LEF1: variants seen among roughly 807,000 people sequenced by gnomAD.
The protein encoded by LEF1 is lymphoid enhancer-binding factor 1.
A neutral mutation model predicts 51.2 loss-of-function variants in LEF1; 14 were observed. The ratio of observed to expected loss-of-function variants is 0.27; its 90% CI spans 0.18 to 0.43. The LOEUF is 0.43. Ranked by LOEUF, LEF1 falls within the 20% of genes least tolerant of loss-of-function variation. LEF1 has a pLI of 1.00. For missense variants in LEF1, 386 were observed against 512.0 expected (o/e 0.75, Z 2.37); for synonymous variants, 185 against 183.2 (o/e 1.01, Z -0.08).
chr4:108,165,286 T>C (rs1745316063), intron 1 of LEF1, 123 bp from the exon 2 acceptor site: 3 of 837,782 alleles, frequency 3.6e-6, no homozygotes, highest in East Asian at 2.5e-5. Flanking sequence ...CTCTGTTTTA[T>C]ACTCTGAGAG....
chr4:108,051,262 A>T (rs1363661235), intron 11 of LEF1, among the ~76,000 whole-genome samples: 2 of 148,848 alleles, frequency 1.3e-5, no homozygotes, highest in Non-Finnish European at 3.0e-5. Context: ...CTAGTGCTTA[A>T]AAAAAAAAAA....
At chr4:108,136,814 G>A (rs1289909471) in intron 3 of LEF1, among the ~76,000 whole-genome samples, 1 of 152,038 alleles carries the variant, frequency 6.6e-6, no homozygotes, top group African/African-American at 2.4e-5. Context: ...AAATATCCAA[G>A]GGTAAAAAGG....
chr4:108,137,133 G>GT (rs1743314344), intron 3 of LEF1, among the ~76,000 whole-genome samples: 1 of 152,170 alleles, frequency 6.6e-6, no homozygotes, highest in African/African-American at 2.4e-5. Flanking sequence ...ACGAAGAATA[G>GT]TTTTTTAAAT....
chr4:108,051,971 T>G (rs1463874986), intron 11 of LEF1, among the ~76,000 whole-genome samples: 1 of 152,162 alleles, frequency 6.6e-6, no homozygotes, highest in Non-Finnish European at 1.5e-5. Context: ...AGGGGGAAAC[T>G]CCTTCTCTCT....
At chr4:108,077,443 C>T (rs1455750544) in intron 8 of LEF1, among the ~76,000 whole-genome samples, 2 of 139,740 alleles carry the variant, frequency 1.4e-5, no homozygotes, top group Non-Finnish European at 3.2e-5. Context: ...CACCTCTGCC[C>T]GGCTGCCGCC....
intron 3 of LEF1, among the ~76,000 whole-genome samples, chr4:108,127,234 T>A (rs969830220): frequency 1.3e-5 from 2 of 152,214 alleles, no homozygotes; most frequent in African/African-American, 4.8e-5. Flanking sequence ...ACTTCTCATT[T>A]GACAAGTTAA....
At chr4:108,126,736 C>CGG (rs1402113798) in intron 3 of LEF1, among the ~76,000 whole-genome samples, 1 of 141,000 alleles carries the variant, frequency 7.1e-6, no homozygotes, top group Non-Finnish European at 1.5e-5. Flanking sequence ...ACCCGGGAAG[C>CGG]AGAGTTTGCA....
rs1052866022 is a variant in LEF1 at position 108,166,165 on chromosome 4, G to A, written c.214-1002C>T. The A allele has an allele frequency of 1.6e-5, 19 of 1,158,514 alleles. No individual in the cohort carries two copies. The African/African-American group carries it at 2.0e-4, about 12-fold the overall frequency. 71.8% of individuals were successfully genotyped at this position (1,158,514 alleles called of 1,614,324 possible). On this transcript the variant is annotated intron_variant, in intron 1 of 11. Transcript: ENST00000265165. Reference sequence around the variant, plus strand: ...TCACAAATCTTTTACGCGGGGTTAGGTGCACCCTACCCCCGCCCCCAGCCC... The same window carrying A: ...TCACAAATCTTTTACGCGGGGTTAGATGCACCCTACCCCCGCCCCCAGCCC...
intron 3 of LEF1, among the ~76,000 whole-genome samples, chr4:108,154,455 A>AAG (rs1744562054): frequency 6.6e-6 from 1 of 151,110 alleles, no homozygotes; most frequent in Admixed American, 6.6e-5. Flanking sequence ...AAAAAAAAAA[A>AAG]AAAAAAAAAA....
chr4:108,115,025 T>C lies in LEF1; in HGVS notation c.415-25768A>G, dbSNP rs181660059. On this transcript the variant is annotated intron_variant, in intron 3 of 11. Transcript: ENST00000265165. ...GAATTGTGCTCCCACTGGCCTGCTGTGGACAACCTAAATCCAGGAGGCTAA... is the reference window on the plus strand; with the variant it reads ...GAATTGTGCTCCCACTGGCCTGCTGCGGACAACCTAAATCCAGGAGGCTAA... Among the ~76,000 whole-genome samples, 181 of 152,344 alleles carry C rather than the reference T, an allele frequency of 1.2e-3. 1 individual carries two copies. The highest frequency in any genetic ancestry group is 2.9e-3 in the Admixed American group (45 of 15,302).
At chr4:108,117,523 G>A (rs918794327) in intron 3 of LEF1, among the ~76,000 whole-genome samples, 8 of 152,176 alleles carry the variant, frequency 5.3e-5, no homozygotes, top group African/African-American at 1.4e-4. Context: ...GCTGGGCTAC[G>A]CCACAGTGCT....
rs765263467 is a variant in LEF1 at position 108,141,379 on chromosome 4, T to TC, written c.414+22188dup. 3.9e-3 allele frequency among the ~76,000 whole-genome samples: 583 copies of TC among 149,828 alleles called. 4 individuals are homozygous for TC. Among genetic ancestry groups the TC allele is most frequent in the East Asian group, 0.022 (110 of 5,110 alleles). ...CGTGACCAGTATTTGTCATTGTGCC[T>TC]CCCCCCCCGCCACATCATTCATATG... On this transcript the variant is annotated intron_variant, in intron 3 of 11. Transcript: ENST00000265165.
At chr4:108,125,079 C>T (rs1277162826) in intron 3 of LEF1, among the ~76,000 whole-genome samples, 1 of 152,232 alleles carries the variant, frequency 6.6e-6, no homozygotes, top group African/African-American at 2.4e-5. Context: ...TGTCTCTGAA[C>T]TAATGCACTG....
At chr4:108,076,896 A>G (rs1245140281) in intron 8 of LEF1, among the ~76,000 whole-genome samples, 1 of 151,786 alleles carries the variant, frequency 6.6e-6, no homozygotes, top group Non-Finnish European at 1.5e-5. Flanking sequence ...GTGTGGTGGT[A>G]GGCAACTATA....
intron 3 of LEF1, among the ~76,000 whole-genome samples, chr4:108,138,495 ATG>A (rs1743437364): frequency 3.1e-5 from 4 of 128,060 alleles, no homozygotes; most frequent in South Asian, 2.5e-4. Flanking sequence ...ACAGGTGTGT[ATG>A]TGTGTGTATA....
intron 3 of LEF1, among the ~76,000 whole-genome samples, chr4:108,135,027 G>A (rs1214714904): frequency 6.6e-6 from 1 of 152,144 alleles, no homozygotes; most frequent in Non-Finnish European, 1.5e-5. Context: ...AATGACTAAA[G>A]TGACCAAGTG....
intron 3 of LEF1, among the ~76,000 whole-genome samples, chr4:108,154,061 T>C (rs866006795): frequency 5.7e-4 from 87 of 152,328 alleles, no homozygotes; most frequent in African/African-American, 2.0e-3. Flanking sequence ...TTTTTGCTTA[T>C]TTGAATTTTC....
chr4:108,123,452 T>G lies in LEF1; in HGVS notation c.415-34195A>C, dbSNP rs566691745. ...GGTTGGTTTTTTTTTTTTTTTTTTT[T>G]TTTTTTTAAACCTATTAGTCTACTT... On this transcript the variant is annotated intron_variant, in intron 3 of 11. Transcript: ENST00000265165. 3.3e-5 allele frequency among the ~76,000 whole-genome samples: 5 copies of G among 149,716 alleles called. No homozygotes were observed. In the South Asian group the frequency reaches 1.1e-3, roughly 32 times the overall value.
intron 3 of LEF1, among the ~76,000 whole-genome samples, chr4:108,136,279 G>GT (rs1297001614): frequency 6.6e-6 from 1 of 152,092 alleles, no homozygotes; most frequent in Admixed American, 6.5e-5. Flanking sequence ...TATAAAATTC[G>GT]TATCTTTCTT....
Sources: gnomAD v4.1 joint callset for allele counts (sites outside exome capture counted in the v4.1 genomes callset) on GRCh38, gnomAD v4.1.1 for gene constraint, MANE v1.5 for transcripts, NCBI Gene and HGNC (gene_info 2026-07-23, HGNC 2026-07-21) for gene names.